Variants in PDGFA observed in about 807,000 individuals in gnomAD.
PDGFA encodes the protein platelet derived growth factor subunit A.
In PDGFA, 9 loss-of-function variants were observed where a neutral mutation model predicts 25.6. That is an observed-to-expected ratio of 0.35 (90% CI 0.21 to 0.61). PDGFA has a LOEUF of 0.61. Among genes scored for constraint, PDGFA ranks in the 20% least tolerant of loss-of-function variants. The probability of loss-of-function intolerance (pLI) is 0.75; values close to 1 mark genes in which losing one functional copy is unlikely to be tolerated. For missense variants in PDGFA, 242 were observed against 272.8 expected, an observed-to-expected ratio of 0.89 and a Z score of 0.79; for synonymous variants, 133 against 111.8, an observed-to-expected ratio of 1.19 and a Z score of -1.20.
At chr7:515,850 G>T (rs1783064538) in intron 2 of PDGFA, among the ~76,000 whole-genome samples, 1 of 152,146 alleles carries the variant, frequency 6.6e-6, no homozygotes, top group African/African-American at 2.4e-5. Context: ...AATGCTAAAG[G>T]CGATAATGGG....
chr7:512,681 C>A (rs559346075), intron 2 of PDGFA: 2 of 1,473,090 alleles, frequency 1.4e-6, no homozygotes, highest in African/African-American at 2.8e-5. Flanking sequence ...CCGCAGAAAA[C>A]GCCCCGTTAG....
At chr7:510,810 T>C in exon 4 of PDGFA, 1 of 1,531,904 alleles carries the variant, frequency 6.5e-7, no homozygotes, top group Non-Finnish European at 8.8e-7. Context: ...AGGGCTCACC[T>C]TGACGCTGCG....
rs202240732 is a variant in PDGFA at position 512,334 on chromosome 7, C to A, written c.265+17G>T. 6.9e-6 allele frequency: 11 copies of A among 1,602,496 alleles called. No individual in the cohort carries two copies. In the Admixed American group the frequency reaches 1.3e-4, roughly 20 times the overall value. On this transcript the variant is annotated intron_variant, in intron 3 of 5. Coordinates refer to ENST00000402802, the Ensembl canonical transcript of PDGFA. ...TGACCCGGCCCTGCCCTGCCCATCG[C>A]GGCCTCCTGGACTCACCGATGCTTC...
rs766165770 is a variant in PDGFA at position 508,559 on chromosome 7, C to CAAAAAAAAAAAA, written c.453+2238_453+2249dup. Among the ~76,000 whole-genome samples, 31 of 35,670 alleles carry CAAAAAAAAAAAA rather than the reference C, an allele frequency of 8.7e-4. 10 individuals are homozygous for CAAAAAAAAAAAA. Among genetic ancestry groups the CAAAAAAAAAAAA allele is most frequent in the East Asian group, 4.3e-3 (5 of 1,168 alleles). The allele number at this position is 35,670 out of a possible 152,430, so 23.4% of individuals were successfully genotyped here. On this transcript the variant is annotated intron_variant, in intron 4 of 5. Transcript: ENST00000402802. The stretch of plus-strand genomic sequence containing the variant: ...TGGGCAACAGAGCAAGAAGCTGTCC[C>CAAAAAAAAAAAA]AAAAAAAAAAAAAAAAAAAAAAAAA...
chr7:508,654 A>T (rs979384670), intron 4 of PDGFA, among the ~76,000 whole-genome samples: 1 of 142,642 alleles, frequency 7.0e-6, no homozygotes, highest in Non-Finnish European at 1.5e-5. Flanking sequence ...TAGGGGCCGC[A>T]CCCGCCTGTG....
chr7:509,116 G>A (rs28420971), intron 4 of PDGFA, among the ~76,000 whole-genome samples: 16,445 of 152,168 alleles, frequency 0.11, 1,403 homozygotes, highest in East Asian at 0.32. Context: ...CCTCAGCAAC[G>A]CAAGAAGACC....
intron 4 of PDGFA, among the ~76,000 whole-genome samples, chr7:507,224 C>A (rs1053034791): frequency 6.6e-6 from 1 of 152,234 alleles, no homozygotes; most frequent in Admixed American, 6.5e-5. Context: ...AGGGAGAAGA[C>A]GCCTCCCAGA....
In PDGFA at chr7:500,535, G is replaced by T. The variant is rs1429869240; in HGVS notation, c.580+581C>A. On this transcript the variant is annotated intron_variant, in intron 5 of 5. Coordinates refer to ENST00000402802, the Ensembl canonical transcript of PDGFA. The surrounding 1 kb of genome is among the most constrained non-coding windows in gnomAD (Gnocchi z 5.0). The stretch of plus-strand genomic sequence containing the variant: ...AAGGGCAGGGCGGTGAGTGGGCCGA[G>T]GGACGGCCGTCGGGGTGAAGAACTG... The T allele has an allele frequency of 1.2e-6, 2 of 1,613,528 alleles. No individual in the cohort carries two copies. The highest frequency in any genetic ancestry group is 2.7e-5 in the African/African-American group (2 of 74,920).
intron 3 of PDGFA, among the ~76,000 whole-genome samples, chr7:511,780 G>A (rs906954990): frequency 1.1e-4 from 16 of 152,002 alleles, no homozygotes; most frequent in Middle Eastern, 3.2e-3. Context: ...CCTCCTCAGG[G>A]GGCTGGAGGG....
intron 4 of PDGFA, among the ~76,000 whole-genome samples, chr7:509,949 TCTC>T (rs1417186420): frequency 6.6e-6 from 1 of 150,786 alleles, no homozygotes; most frequent in Non-Finnish European, 1.5e-5. Flanking sequence ...AAGCACTCCT[TCTC>T]CTTCTCCTGG....
At chr7:516,603 G>C (rs1179267550) in intron 2 of PDGFA, among the ~76,000 whole-genome samples, 1 of 152,230 alleles carries the variant, frequency 6.6e-6, no homozygotes, top group Non-Finnish European at 1.5e-5. Flanking sequence ...TCGCCTTCTA[G>C]GAAGGGGCTC....
chr7:505,257 G>C (rs1329611485), intron 4 of PDGFA, among the ~76,000 whole-genome samples: 1 of 151,510 alleles, frequency 6.6e-6, no homozygotes, highest in Non-Finnish European at 1.5e-5. Flanking sequence ...CCAAGTGATG[G>C]GGGGGGTCCC....
At chr7:502,362 C>CG (rs35793746) in intron 4 of PDGFA, among the ~76,000 whole-genome samples, 83,225 of 151,074 alleles carry the variant, frequency 0.55, 23,065 homozygotes, top group Non-Finnish European at 0.59. Context: ...ACCTCCCCGC[C>CG]GGCCCCAGGC....
At chr7:499,565 G>T (rs905889281) in intron 5 of PDGFA, among the ~76,000 whole-genome samples, 1 of 152,188 alleles carries the variant, frequency 6.6e-6, no homozygotes, top group African/African-American at 2.4e-5. Context: ...TGATGATGGC[G>T]GCTGCCCAGG....
intron 4 of PDGFA, among the ~76,000 whole-genome samples, chr7:505,421 C>T (rs557242184): frequency 3.9e-5 from 6 of 152,330 alleles, no homozygotes; most frequent in Admixed American, 1.3e-4. Flanking sequence ...CCAGGGATGC[C>T]GTCACCCCTC....
At chr7:512,431 C>T (rs371445328) in exon 3 of PDGFA, 9 of 1,613,640 alleles carry the variant, frequency 5.6e-6, no homozygotes, top group African/African-American at 5.3e-5. Context: ...AGCTCTCAGG[C>T]TGGTGTCCAA....
chr7:507,146 T>C (rs1342646566), intron 4 of PDGFA, among the ~76,000 whole-genome samples: 1 of 152,224 alleles, frequency 6.6e-6, no homozygotes, highest in East Asian at 1.9e-4. Context: ...CTCTGACCTT[T>C]GTCCCCTCAG....
At chr7:512,810 G>A (rs1351131428) in intron 2 of PDGFA, 3 of 464,702 alleles carry the variant, frequency 6.5e-6, no homozygotes, top group Non-Finnish European at 1.1e-5. Context: ...GGCTGCCCCG[G>A]GGCAGGAGGG....
chr7:507,764 C>G (rs1290123279), intron 4 of PDGFA, among the ~76,000 whole-genome samples: 3 of 152,182 alleles, frequency 2.0e-5, no homozygotes, highest in Non-Finnish European at 4.4e-5. Context: ...AAACTGCGCC[C>G]CAGGGAGGCA....
Sources: gnomAD v4.1 joint callset for allele counts (sites outside exome capture counted in the v4.1 genomes callset) on GRCh38, gnomAD v4.1.1 for gene constraint, Gnocchi (gnomAD v3.1) non-coding constraint, MANE v1.5 for transcripts, NCBI Gene and HGNC (gene_info 2026-07-23, HGNC 2026-07-21) for gene names.